Variants in TPST1 observed in about 807,000 individuals in gnomAD.
TPST1 encodes the protein protein-tyrosine sulfotransferase 1.
A neutral mutation model predicts 34.8 loss-of-function variants in TPST1; 20 were observed. That is an observed-to-expected ratio of 0.57 (90% CI 0.40 to 0.84). The LOEUF (loss-of-function observed/expected upper bound fraction) is 0.84, where lower values mean the gene tolerates loss of function less well. Among genes scored for constraint, TPST1 ranks in the 40% least tolerant of loss-of-function variants. The probability of loss-of-function intolerance (pLI) is 0.00; values close to 1 mark genes in which losing one functional copy is unlikely to be tolerated. For synonymous variants in TPST1, 152 were observed against 159.4 expected (o/e 0.95, Z 0.35); for missense variants, 353 against 455.5 (o/e 0.78, Z 2.05).
At chr7:66,329,625 A>G (rs1168513488) in intron 3 of TPST1, among the ~76,000 whole-genome samples, 1 of 152,208 alleles carries the variant, frequency 6.6e-6, no homozygotes, top group Non-Finnish European at 1.5e-5. Context: ...GTTCCTCTTT[A>G]TAAACTGCAG....
intron 1 of TPST1, among the ~76,000 whole-genome samples, chr7:66,222,666 G>A (rs1014711698): frequency 9.9e-5 from 15 of 152,130 alleles, no homozygotes; most frequent in African/African-American, 3.6e-4. Context: ...GCAGCACCAT[G>A]AGCAGAGGCC....
At chr7:66,207,788 G>T (rs1044734488) in intron 1 of TPST1, among the ~76,000 whole-genome samples, 32 of 152,036 alleles carry the variant, frequency 2.1e-4, no homozygotes, top group African/African-American at 6.0e-4. Context: ...TTCAAATGTG[G>T]TTACCTTTTC....
intron 4 of TPST1, among the ~76,000 whole-genome samples, chr7:66,353,960 G>A (rs1238421522): frequency 6.6e-6 from 1 of 152,214 alleles, no homozygotes; most frequent in African/African-American, 2.4e-5. Flanking sequence ...TTAGCCGCCA[G>A]TAATTGATAC....
intron 2 of TPST1, among the ~76,000 whole-genome samples, chr7:66,252,262 G>A (rs1479379070): frequency 1.3e-5 from 2 of 151,272 alleles, no homozygotes; most frequent in Admixed American, 1.3e-4. Flanking sequence ...GTTTCACTGT[G>A]TTAATCAGGA....
chr7:66,333,962 T>C (rs1006971103), intron 3 of TPST1, among the ~76,000 whole-genome samples: 2 of 152,100 alleles, frequency 1.3e-5, no homozygotes. Context: ...AATATAAAAA[T>C]GGTAAGGGAC....
chr7:66,238,162 G>A (rs1584162298), intron 1 of TPST1, among the ~76,000 whole-genome samples: 1 of 152,040 alleles, frequency 6.6e-6, no homozygotes, highest in East Asian at 1.9e-4. Flanking sequence ...TAGGTTCTGG[G>A]GTGATTACCC....
intron 3 of TPST1, among the ~76,000 whole-genome samples, chr7:66,328,857 C>CCT (rs1791926285): frequency 1.6e-5 from 1 of 63,804 alleles, no homozygotes; most frequent in African/African-American, 5.8e-5. Context: ...TCTCTCTCTC[C>CCT]CGCTCTCTCT....
intron 3 of TPST1, among the ~76,000 whole-genome samples, chr7:66,326,601 C>G (rs186631889): frequency 1.0e-3 from 155 of 152,286 alleles, no homozygotes; most frequent in African/African-American, 3.6e-3. Context: ...CTAAACTTCC[C>G]CCCACCAGGA....
intron 2 of TPST1, among the ~76,000 whole-genome samples, chr7:66,265,272 A>G (rs1790567420): frequency 6.6e-6 from 1 of 152,214 alleles, no homozygotes; most frequent in Non-Finnish European, 1.5e-5. Context: ...ATAATGGGCC[A>G]GGTGCAGTGG....
At chr7:66,294,473 G>A (rs1791150898) in intron 3 of TPST1, among the ~76,000 whole-genome samples, 1 of 151,314 alleles carries the variant, frequency 6.6e-6, no homozygotes. Flanking sequence ...TTTCTCTTAG[G>A]TATTACTTTT....
At chr7:66,282,707 G>C (rs548745550) in intron 2 of TPST1, among the ~76,000 whole-genome samples, 37 of 152,294 alleles carry the variant, frequency 2.4e-4, no homozygotes, top group African/African-American at 8.2e-4. Context: ...GAGCTGATGC[G>C]GGACTAAGAG....
intron 3 of TPST1, among the ~76,000 whole-genome samples, chr7:66,339,832 C>CCAAA (rs1584253027): frequency 6.5e-5 from 2 of 30,644 alleles, no homozygotes; most frequent in Non-Finnish European, 6.4e-5. Context: ...ACCCCTCAAC[C>CCAAA]TAAAAAAAAA....
chr7:66,216,282 T>G (rs6979415), intron 1 of TPST1, among the ~76,000 whole-genome samples: 548 of 26,746 alleles, frequency 0.02, 5 homozygotes, highest in African/African-American at 0.13. Flanking sequence ...TCATTACTGA[T>G]TTTCATAATT....
At chr7:66,221,822 C>G (rs1037258663) in intron 1 of TPST1, among the ~76,000 whole-genome samples, 1 of 152,128 alleles carries the variant, frequency 6.6e-6, no homozygotes, top group African/African-American at 2.4e-5. Context: ...CTGTAGGACT[C>G]TTTCTTTCCA....
intron 2 of TPST1, among the ~76,000 whole-genome samples, chr7:66,264,472 C>A (rs936742987): frequency 6.6e-6 from 1 of 152,148 alleles, no homozygotes. Context: ...AAGGTGTATC[C>A]CAAACCTACC....
chr7:66,231,365 C>T (rs1223382164), intron 1 of TPST1, among the ~76,000 whole-genome samples: 4 of 152,290 alleles, frequency 2.6e-5, no homozygotes, highest in East Asian at 3.9e-4. Flanking sequence ...GCTCGCACTC[C>T]GCAGGCCTTG....
At chr7:66,254,002 C>CAAAAA (rs60795420) in intron 2 of TPST1, among the ~76,000 whole-genome samples, 8 of 113,482 alleles carry the variant, frequency 7.0e-5, no homozygotes, top group African/African-American at 1.6e-4. Flanking sequence ...GACTCTGTTT[C>CAAAAA]AAAAAAAAAA....
At chr7:66,313,097 A>C (rs1183184971) in intron 3 of TPST1, among the ~76,000 whole-genome samples, 3 of 151,942 alleles carry the variant, frequency 2.0e-5, no homozygotes, top group Non-Finnish European at 4.4e-5. Context: ...GGCACAAAAA[A>C]ATGAGCTTTC....
intron 1 of TPST1, among the ~76,000 whole-genome samples, chr7:66,215,775 C>CTT (rs71051344): frequency 1.5e-4 from 5 of 33,560 alleles, no homozygotes; most frequent in Admixed American, 6.3e-4. Flanking sequence ...CTTTTTCTTT[C>CTT]TTTTTTTTTT....
Sources: gnomAD v4.1 joint callset for allele counts (sites outside exome capture counted in the v4.1 genomes callset) on GRCh38, gnomAD v4.1.1 for gene constraint, MANE v1.5 for transcripts, NCBI Gene and HGNC (gene_info 2026-07-23, HGNC 2026-07-21) for gene names.